The following MYLIP variants were observed in gnomAD, a reference collection of about 807,000 sequenced individuals.
MYLIP encodes E3 ubiquitin-protein ligase MYLIP.
Under a neutral mutation model 45.8 loss-of-function variants are expected in MYLIP, and 26 were observed. The ratio of observed to expected loss-of-function variants is 0.57; its 90% CI spans 0.42 to 0.79. The LOEUF (loss-of-function observed/expected upper bound fraction) is 0.79, where lower values mean the gene tolerates loss of function less well. Ranked by LOEUF, MYLIP falls within the 30% of genes least tolerant of loss-of-function variation. The pLI is 0.00. For missense variants in MYLIP, 494 were observed against 555.6 expected (o/e 0.89, Z 1.11); for synonymous variants, 213 against 218.1 (o/e 0.98, Z 0.21).
intron 2 of MYLIP, among the ~76,000 whole-genome samples, chr6:16,134,133 A>G (rs953735589): frequency 3.9e-5 from 6 of 152,220 alleles, no homozygotes; most frequent in Non-Finnish European, 8.8e-5. Flanking sequence ...ACATATACTT[A>G]CGTGGTAATT....
the MYLIP span, among the ~76,000 whole-genome samples, chr6:16,162,139 G>A: frequency 3.3e-5 from 5 of 152,226 alleles, no homozygotes; most frequent in Non-Finnish European, 7.3e-5. Flanking sequence ...CATGGCCAAG[G>A]CCTGTGTGGT....
In MYLIP at chr6:16,130,734, C is replaced by T; in HGVS notation, c.265C>T (p.Gln89Ter). The change falls in exon 2 of 7, where the codon CAG (glutamine) becomes TAG (stop). Residue 89 changes from glutamine to a stop codon, truncating the protein, a stop_gained. Transcript: ENST00000356840. LOFTEE classifies it high-confidence loss of function. Reference protein sequence around the residue: ...KFFVEPHLILQEQTRHIFFLH... With the variant: ...KFFVEPHLIL ...CTTCGTGGAGCCTCATCTCATCTTA[C>T]AGGAGCAGACTAGGTAAAGTGAGCT... is the stretch of plus-strand genomic sequence containing the variant. 1.2e-6 allele frequency: 2 copies of T among 1,613,900 alleles called. No individual in the cohort carries two copies. Among genetic ancestry groups the T allele is most frequent in the Non-Finnish European group, 1.7e-6 (2 of 1,179,894 alleles).
chr6:16,160,424 A>T, the MYLIP span, among the ~76,000 whole-genome samples: 1 of 152,166 alleles, frequency 6.6e-6, no homozygotes, highest in Non-Finnish European at 1.5e-5. Flanking sequence ...CATCTTGATT[A>T]ATCTAAACCA....
In MYLIP at chr6:16,143,154, T is replaced by A. The variant is rs751944966; in HGVS notation, c.599T>A (p.Leu200Gln). Residue 200 changes from leucine (L) to glutamine (Q), a missense_variant, in exon 4 of 7, where the codon CTG (leucine) becomes CAG (glutamine). Physicochemically the swap from Leu to Gln is moderately radical, Grantham distance 113 (BLOSUM62 -2). Transcript: ENST00000356840. ...GTGCGGGATAGCGAAGGGCAGAAACTGCTCATTGGGGTTGGACCTGAAGGA... is the reference window on the plus strand; with the variant it reads ...GTGCGGGATAGCGAAGGGCAGAAACAGCTCATTGGGGTTGGACCTGAAGGA... ...HSVRDSEGQK[L>Q]LIGVGPEGIS... The A allele has an allele frequency of 1.9e-6, 3 of 1,614,220 alleles. No homozygotes were observed. In the Admixed American group the frequency reaches 5.0e-5, roughly 27 times the overall value.
chr6:16,158,321 C>T, the MYLIP span, among the ~76,000 whole-genome samples: 12 of 152,214 alleles, frequency 7.9e-5, no homozygotes, highest in African/African-American at 2.9e-4. Flanking sequence ...ATATTTTTCT[C>T]AGTATTTGCG....
intron 1 of MYLIP, among the ~76,000 whole-genome samples, chr6:16,130,317 C>G (rs547687308): frequency 1.3e-5 from 2 of 152,136 alleles, no homozygotes; most frequent in African/African-American, 4.8e-5. Flanking sequence ...TTGAGGACTC[C>G]TTTTTTCTCT....
chr6:16,148,677 G>C (rs1204905095), downstream of MYLIP, among the ~76,000 whole-genome samples: 1 of 152,150 alleles, frequency 6.6e-6, no homozygotes, highest in African/African-American at 2.4e-5. Flanking sequence ...AACCCAGCTG[G>C]TGCTGCTGGT....
chr6:16,130,917 A>G (rs1376920123), intron 2 of MYLIP, among the ~76,000 whole-genome samples, 170 bp downstream of exon 2: 1 of 151,396 alleles, frequency 6.6e-6, no homozygotes, highest in Non-Finnish European at 1.5e-5. Flanking sequence ...GGAGCTACCT[A>G]CTTGGTCTGA....
At chr6:16,151,367 AG>A (rs1759878927), downstream of MYLIP, among the ~76,000 whole-genome samples, 2 of 151,586 alleles carry the variant, frequency 1.3e-5, no homozygotes, top group Admixed American at 6.6e-5. Flanking sequence ...AAAAAAAAAA[AG>A]AAAAAAGAAA....
downstream of MYLIP, among the ~76,000 whole-genome samples, chr6:16,150,905 G>T (rs1308562535): frequency 6.6e-6 from 1 of 152,056 alleles, no homozygotes. Context: ...GGGAAGTTCT[G>T]GGGGGAAGTG....
At position 16,130,700 on chromosome 6, in the gene MYLIP, A is replaced by G. The variant is rs1282425861; in HGVS notation, c.231A>G (p.Arg77=). ...DGLAPYRLKL[R]VKFFVEPHLI... is the part of the protein sequence containing the mutation. ...TAGCCCCTTACAGGCTTAAACTTAG[A>G]GTCAAGTTCTTCGTGGAGCCTCATC... is the stretch of plus-strand genomic sequence containing the variant. The change falls in exon 2 of 7, where the codon AGA becomes AGG. Residue 77 remains arginine, a synonymous_variant. Coordinates refer to ENST00000356840, the MANE Select transcript of MYLIP (RefSeq NM_013262.4). 1.9e-6 allele frequency: 3 copies of G among 1,614,178 alleles called. No homozygotes were observed. The highest frequency in any genetic ancestry group is 4.5e-5 in the East Asian group (2 of 44,872).
chr6:16,139,199 G>A (rs1759613818), intron 2 of MYLIP, among the ~76,000 whole-genome samples: 1 of 152,120 alleles, frequency 6.6e-6, no homozygotes, highest in Non-Finnish European at 1.5e-5. Flanking sequence ...TCAGGAGATT[G>A]AGACCATCCT....
chr6:16,157,228 A>G, the MYLIP span, among the ~76,000 whole-genome samples: 2 of 152,208 alleles, frequency 1.3e-5, no homozygotes, highest in Middle Eastern at 3.2e-3. Context: ...ACCTGACCTA[A>G]ACATTCTTCA....
intron 4 of MYLIP, 54 bp downstream of exon 4, chr6:16,143,271 G>A: frequency 2.6e-6 from 4 of 1,533,592 alleles, no homozygotes; most frequent in Middle Eastern, 1.7e-4. Context: ...ATCTGTAGCT[G>A]TCAATGTAAT....
Position 16,146,675 on chromosome 6 carries a change from G to T in MYLIP, c.1262G>T (p.Cys421Phe), listed in dbSNP as rs766532472. The T allele has an allele frequency of 1.2e-6, 2 of 1,610,346 alleles. No individual in the cohort carries two copies. Among genetic ancestry groups the T allele is most frequent in the Non-Finnish European group, 1.7e-6 (2 of 1,177,912 alleles). Residue 421 changes from cysteine to phenylalanine, a missense_variant, in exon 7 of 7, where the codon TGC (cysteine) becomes TTC (phenylalanine). Physicochemically the swap from Cys to Phe is radical, Grantham distance 205 (BLOSUM62 -2). Transcript: ENST00000356840. ...CAAQLQSCPV[C>F]RSRVEHVQHV... The stretch of plus-strand genomic sequence containing the variant: ...TTTCTTTCCCAGTCATGTCCCGTCT[G>T]CAGGTCGCGTGTGGAGCATGTCCAG...
chr6:16,146,023 G>C (rs1759783153), intron 6 of MYLIP, among the ~76,000 whole-genome samples: 2 of 152,186 alleles, frequency 1.3e-5, no homozygotes, highest in African/African-American at 4.8e-5. Context: ...TAGTCCTTCA[G>C]AAGCTGCTAA....
At position 16,141,773 on chromosome 6, in the gene MYLIP, C is replaced by G. The variant is rs751544491; in HGVS notation, c.427C>G (p.Leu143Val). 4.3e-6 allele frequency: 7 copies of G among 1,613,768 alleles called. No homozygotes were observed. The highest frequency in any genetic ancestry group is 3.3e-5 in the Admixed American group (2 of 60,012). ...CACTGCCAAGTATAACTATGAGGAG[C>G]TCTGTGCCAAGGAGCTCTCCTCTGC... ...QNTAKYNYEE[L>V]CAKELSSATL... The change falls in exon 3 of 7, where the codon CTC becomes GTC. Residue 143 changes from leucine (L) to valine (V), a missense_variant. Leu to Val is a conservative substitution (Grantham distance 32). Transcript: ENST00000356840.
intron 3 of MYLIP, among the ~76,000 whole-genome samples, chr6:16,142,378 GT>G (rs1420994061): frequency 6.6e-6 from 1 of 152,210 alleles, no homozygotes; most frequent in African/African-American, 2.4e-5. Context: ...GTATATTGGT[GT>G]TTTCTTCATC....
intron 2 of MYLIP, among the ~76,000 whole-genome samples, chr6:16,138,758 A>G (rs1333923844): frequency 6.6e-6 from 1 of 152,238 alleles, no homozygotes; most frequent in African/African-American, 2.4e-5. Context: ...ATAGCCATGA[A>G]ACTGCAAAAT....
Sources: gnomAD v4.1 joint callset for allele counts (sites outside exome capture counted in the v4.1 genomes callset) on GRCh38, gnomAD v4.1.1 for gene constraint, MANE v1.5 for transcripts, NCBI Gene and HGNC (gene_info 2026-07-23, HGNC 2026-07-21) for gene names.